The following PDCD2L variants were observed in gnomAD, a reference collection of about 807,000 sequenced individuals.
The protein encoded by PDCD2L is programmed cell death 2 like.
A neutral mutation model predicts 40.4 loss-of-function variants in PDCD2L; 44 were observed. The observed-to-expected ratio is 1.09, with a 90% CI of 0.86 to 1.40. The LOEUF (loss-of-function observed/expected upper bound fraction) is 1.40. Ranked by LOEUF, PDCD2L falls within the 40% of genes most tolerant of loss-of-function variation. PDCD2L has a pLI of 0.00. For missense variants in PDCD2L, 470 were observed against 453.7 expected (o/e 1.04, Z -0.33); for synonymous variants, 194 against 174.6 (o/e 1.11, Z -0.88).
chr19:34,425,368 A>T (rs961328637), intron 6 of PDCD2L, among the ~76,000 whole-genome samples: 1 of 148,918 alleles, frequency 6.7e-6, no homozygotes, highest in African/African-American at 2.5e-5. Flanking sequence ...TGGTGCAATC[A>T]TAGCTTATTG....
rs1276547931 is a variant in PDCD2L, at chr19:34,425,304, T to C, written c.947-686T>C. ...CTATGATATATATTTCTCTCTTCTTTTTTTTTTTTTTTTTAAGACAGGGTC... is the reference window on the plus strand; with the variant it reads ...CTATGATATATATTTCTCTCTTCTTCTTTTTTTTTTTTTTAAGACAGGGTC... On this transcript the variant is annotated intron_variant, in intron 6 of 6. Transcript: ENST00000246535. Among the ~76,000 whole-genome samples the C allele has an allele frequency of 5.4e-5, 8 of 149,394 alleles. No homozygotes were observed. The East Asian group carries it at 1.4e-3, about 25-fold the overall frequency.
intron 3 of PDCD2L, among the ~76,000 whole-genome samples, chr19:34,406,002 A>G (rs974405958): frequency 6.6e-6 from 1 of 152,188 alleles, no homozygotes; most frequent in South Asian, 2.1e-4. Flanking sequence ...TTAGCCAGGC[A>G]TGATGGCCAC....
chr19:34,409,084 G>T, intron 3 of PDCD2L, 77 bp from the exon 4 acceptor site: 1 of 1,358,652 alleles, frequency 7.4e-7, no homozygotes, highest in Non-Finnish European at 1.0e-6. Flanking sequence ...AAGGCGCGGC[G>T]GTGGGTGGCT....
intron 3 of PDCD2L, among the ~76,000 whole-genome samples, chr19:34,405,369 C>A (rs2075069644): frequency 6.6e-6 from 1 of 151,340 alleles, no homozygotes; most frequent in African/African-American, 2.4e-5. Context: ...TGGTCTCGAA[C>A]TGCCGACCTC....
chr19:34,422,215 T>G (rs2075155348), intron 6 of PDCD2L: 1 of 151,210 alleles, frequency 6.6e-6, no homozygotes, highest in African/African-American at 2.4e-5. Context: ...TGGCACGTTC[T>G]TGGCTCACTG....
chr19:34,417,917 A>G (rs1450664578), intron 5 of PDCD2L, among the ~76,000 whole-genome samples: 2 of 152,238 alleles, frequency 1.3e-5, no homozygotes, highest in Non-Finnish European at 2.9e-5. Flanking sequence ...GTTGACATTG[A>G]GAAACCTAGC....
At chr19:34,415,461 G>T (rs979529813) in intron 5 of PDCD2L, among the ~76,000 whole-genome samples, 1 of 151,972 alleles carries the variant, frequency 6.6e-6, no homozygotes, top group Non-Finnish European at 1.5e-5. Flanking sequence ...TGATAAATGA[G>T]GAAAAAATAG....
chr19:34,411,701 C>G (rs1455740953), intron 4 of PDCD2L, among the ~76,000 whole-genome samples: 1 of 151,848 alleles, frequency 6.6e-6, no homozygotes, highest in African/African-American at 2.4e-5. Context: ...GTCACCCAGG[C>G]TGGAGTACAG....
chr19:34,420,318 G>GT lies in PDCD2L; in HGVS notation c.798-1189dup, dbSNP rs775170239. On this transcript the variant is annotated intron_variant, in intron 5 of 6. Transcript: ENST00000246535. ...CCTTGTCCACTAGGTTTTTTTTTTG[G>GT]TTTTTTTTTTTTACATATTCATTAC... 7.8e-3 allele frequency among the ~76,000 whole-genome samples: 1,104 copies of GT among 142,270 alleles called. 3 individuals carry two copies. Among genetic ancestry groups the GT allele is most frequent in the African/African-American group, 0.017 (661 of 39,484 alleles). 93.3% of individuals were successfully genotyped at this position (142,270 alleles called of 152,430 possible).
intron 4 of PDCD2L, among the ~76,000 whole-genome samples, chr19:34,412,825 G>A (rs957624730): frequency 6.7e-6 from 1 of 148,190 alleles, no homozygotes; most frequent in Non-Finnish European, 1.5e-5. Context: ...AGGCTGTAGT[G>A]CAATGGTGTG....
intron 3 of PDCD2L, among the ~76,000 whole-genome samples, chr19:34,406,229 T>C (rs916124357): frequency 1.3e-5 from 2 of 152,226 alleles, no homozygotes; most frequent in African/African-American, 4.8e-5. Context: ...TTTATAATAA[T>C]GTATAAATTT....
At chr19:34,414,335 C>G (rs1029467166) in intron 5 of PDCD2L, among the ~76,000 whole-genome samples, 1 of 151,666 alleles carries the variant, frequency 6.6e-6, no homozygotes, top group Non-Finnish European at 1.5e-5. Context: ...GCCACCCTGC[C>G]CAGCTGATTT....
chr19:34,421,732 C>A, intron 6 of PDCD2L, 65 bp downstream of exon 6: 1 of 1,498,904 alleles, frequency 6.7e-7, no homozygotes, highest in South Asian at 1.3e-5. Flanking sequence ...AAATGAAAAA[C>A]CTTTTGTTTA....
At chr19:34,420,087 C>A (rs1050839478) in intron 5 of PDCD2L, among the ~76,000 whole-genome samples, 1 of 151,986 alleles carries the variant, frequency 6.6e-6, no homozygotes, top group Non-Finnish European at 1.5e-5. Context: ...CAGGTTTAAG[C>A]GATTCTGCAG....
Position 34,404,976 on chromosome 19 carries a change from G to T in PDCD2L, c.322G>T (p.Ala108Ser). 1 of 1,614,150 alleles carries T rather than the reference G, an allele frequency of 6.2e-7. No homozygotes were observed. The highest frequency in any genetic ancestry group is 8.5e-7 in the Non-Finnish European group (1 of 1,180,032). ...SQCLQVPERE[A>S]QDAQKQGNSL... The stretch of plus-strand genomic sequence containing the variant: ...GTGCCTGCAGGTGCCAGAGAGAGAG[G>T]CGCAGGACGCTCAGGTAAAGGTTGT... The change falls in exon 3 of 7, where the codon GCG (alanine) becomes TCG (serine). Residue 108 changes from alanine to serine, a missense_variant. Coordinates refer to ENST00000246535, the MANE Select transcript of PDCD2L (RefSeq NM_032346.2).
At chr19:34,413,103 A>AT (rs768719098) in intron 4 of PDCD2L, among the ~76,000 whole-genome samples, 80 of 151,278 alleles carry the variant, frequency 5.3e-4, no homozygotes, top group Admixed American at 3.2e-3. Context: ...CAATAGCGCA[A>AT]TCTTGGCTCA....
chr19:34,414,134 G>A (rs2075116719), intron 5 of PDCD2L, among the ~76,000 whole-genome samples: 1 of 152,090 alleles, frequency 6.6e-6, no homozygotes, highest in Non-Finnish European at 1.5e-5. Context: ...AAACGGCACA[G>A]ATGAAGTCCA....
intron 5 of PDCD2L, among the ~76,000 whole-genome samples, chr19:34,417,156 G>T (rs2075129993): frequency 6.6e-6 from 1 of 152,066 alleles, no homozygotes; most frequent in Non-Finnish European, 1.5e-5. Flanking sequence ...GAGCACATCA[G>T]TCCCAGCAGA....
intron 3 of PDCD2L, among the ~76,000 whole-genome samples, chr19:34,408,502 T>G (rs2075087311): frequency 1.3e-5 from 2 of 152,140 alleles, no homozygotes; most frequent in African/African-American, 4.8e-5. Flanking sequence ...GCTTTTAAGC[T>G]GAGACAGACT....
Sources: gnomAD v4.1 joint callset for allele counts (sites outside exome capture counted in the v4.1 genomes callset) on GRCh38, gnomAD v4.1.1 for gene constraint, MANE v1.5 for transcripts, NCBI Gene and HGNC (gene_info 2026-07-23, HGNC 2026-07-21) for gene names.